The following KRTAP24-1 variants were observed in gnomAD, a reference collection of about 807,000 sequenced individuals.
KRTAP24-1 encodes keratin-associated protein 24-1.
For missense variants in KRTAP24-1, 344 were observed against 303.2 expected (o/e 1.13, Z -1.00); for synonymous variants, 133 against 116.3 (o/e 1.14, Z -0.92).
At position 30,282,448 on chromosome 21, in the gene KRTAP24-1, A is replaced by G. The variant is rs369019071; in HGVS notation, c.485T>C (p.Phe162Ser). The G allele has an allele frequency of 4.0e-5, 64 of 1,614,118 alleles. 1 individual carries two copies. Among genetic ancestry groups the G allele is most frequent in the Admixed American group, 3.2e-4 (19 of 60,022 alleles). Residue 162 changes from phenylalanine (F) to serine (S), a missense_variant, in exon 1 of 1, where the codon TTC (phenylalanine) becomes TCC (serine). Coordinates refer to ENST00000340345, the MANE Select transcript of KRTAP24-1 (RefSeq NM_001085455.3). ...CAATCTGCAGTGGTTTAGAGTTTGG[A>G]AACTCTTGGATAAGCAGTTAAGTTG... The part of the protein sequence containing the change: ...FGQLNCLSKS[F>S]QTLNHCRLST...
Position 30,281,399 on chromosome 21 carries a change from T to A in KRTAP24-1, c.*769A>T, listed in dbSNP as rs1980696149. The A allele has an allele frequency of 6.6e-6, 1 of 152,228 alleles. No homozygotes were observed. Among genetic ancestry groups the A allele is most frequent in the Admixed American group, 6.5e-5 (1 of 15,286 alleles). 9.4% of individuals were successfully genotyped at this position (152,228 alleles called of 1,614,324 possible). A position where few individuals can be genotyped will look rare whatever the true frequency, so the allele number is the denominator to read the frequency against. On this transcript the variant is annotated 3_prime_UTR_variant, in exon 1 of 1. Transcript: ENST00000340345. ...TTGGCAAGGCAAGATGATAGGAGAA[T>A]CCTAAACGCAGATTACACATAATTG...
chr21:30,282,100 A>T lies in KRTAP24-1; in HGVS notation c.*68T>A. ...ATAAAGAGATTCAGCAGAAAATTAGACGTTCTAGTACTTAGTAGAATCTTC... is the reference window on the plus strand; with the variant it reads ...ATAAAGAGATTCAGCAGAAAATTAGTCGTTCTAGTACTTAGTAGAATCTTC... On this transcript the variant is annotated 3_prime_UTR_variant, in exon 1 of 1. Transcript: ENST00000340345. The T allele has an allele frequency of 7.1e-7, 1 of 1,410,930 alleles. No individual in the cohort carries two copies. The highest frequency in any genetic ancestry group is 1.4e-5 in the South Asian group (1 of 73,896). 87.4% of individuals were successfully genotyped at this position (1,410,930 alleles called of 1,614,324 possible).
At position 30,282,472 on chromosome 21, in the gene KRTAP24-1, T is replaced by C; in HGVS notation, c.461A>G (p.Gln154Arg). 6.2e-7 allele frequency: 1 copy of C among 1,614,166 alleles called. No homozygotes were observed. The highest frequency in any genetic ancestry group is 8.5e-7 in the Non-Finnish European group (1 of 1,180,006). The change falls in exon 1 of 1, where the codon CAA becomes CGA. Residue 154 changes from glutamine (Q) to arginine (R), a missense_variant. Coordinates refer to ENST00000340345, the MANE Select transcript of KRTAP24-1 (RefSeq NM_001085455.3). ...GAAACTCTTGGATAAGCAGTTAAGT[T>C]GTCCAAAGCAGTTGGAACCGTTGCG... ...TLRNGSNCFGQLNCLSKSFQT... is the reference protein window; with the variant it reads ...TLRNGSNCFGRLNCLSKSFQT...
rs755112045 is a variant in KRTAP24-1 at position 30,282,257 on chromosome 21, T to C, written c.676A>G (p.Arg226Gly). The change falls in exon 1 of 1, where the codon AGA becomes GGA. Residue 226 changes from arginine to glycine, a missense_variant. Transcript: ENST00000340345. ...TSCRPLSYLS[R>G]SFRSLSYIPS... ...ATATAGCTCAGAGATCTGAAGCTTC[T>C]AGATAAATAGCTCAGTGGTCGGCAG... The C allele has an allele frequency of 6.2e-7, 1 of 1,613,944 alleles. No individual in the cohort carries two copies. The highest frequency in any genetic ancestry group is 1.3e-5 in the African/African-American group (1 of 74,922).
rs771156819 is a variant in KRTAP24-1, at chr21:30,282,767, A to G, written c.166T>C (p.Trp56Arg). Reference sequence around the variant, plus strand: ...GATTCTTGGCAGTAATCCAGGAGCCAGAGATTTCCTTGGTAGCTACTGGGT... The same window carrying G: ...GATTCTTGGCAGTAATCCAGGAGCCGGAGATTTCCTTGGTAGCTACTGGGT... ...CLPSSYQGNL[W>R]LLDYCQESYG... Residue 56 changes from tryptophan (W) to arginine (R), a missense_variant, in exon 1 of 1, where the codon TGG (tryptophan) becomes CGG (arginine). Trp to Arg is a moderately radical substitution (Grantham distance 101, BLOSUM62 -3). Coordinates refer to ENST00000340345, the MANE Select transcript of KRTAP24-1 (RefSeq NM_001085455.3). The G allele has an allele frequency of 1.2e-6, 2 of 1,613,960 alleles. No individual in the cohort carries two copies. The highest frequency in any genetic ancestry group is 1.7e-5 in the Admixed American group (1 of 59,994).
chr21:30,282,881 T>G lies in KRTAP24-1; in HGVS notation c.52A>C (p.Thr18Pro). The change falls in exon 1 of 1, where the codon ACA becomes CCA. Residue 18 changes from threonine (T) to proline (P), a missense_variant. Coordinates refer to ENST00000340345, the MANE Select transcript of KRTAP24-1 (RefSeq NM_001085455.3). Reference protein sequence around the residue: ...TTGYPGVCSTTSYRTHCYIPV... With the variant: ...TTGYPGVCSTPSYRTHCYIPV... ...ATATAACAGTGAGTTCTGTATGATGTGGTACTGCAGACCCCAGGATAGCCT... is the reference window on the plus strand; with the variant it reads ...ATATAACAGTGAGTTCTGTATGATGGGGTACTGCAGACCCCAGGATAGCCT... 6.2e-7 allele frequency: 1 copy of G among 1,613,802 alleles called. No homozygotes were observed. Among genetic ancestry groups the G allele is most frequent in the Non-Finnish European group, 8.5e-7 (1 of 1,179,796 alleles).
Position 30,282,779 on chromosome 21 carries a change from G to C in KRTAP24-1, c.154C>G (p.Gln52Glu). Residue 52 changes from glutamine to glutamate, a missense_variant, in exon 1 of 1, where the codon CAA (glutamine) becomes GAA (glutamate). By Grantham distance (29) the Gln-to-Glu change is conservative (BLOSUM62 2). Coordinates refer to ENST00000340345, the MANE Select transcript of KRTAP24-1 (RefSeq NM_001085455.3). ...TFGHCLPSSY[Q>E]GNLWLLDYCQ... is the part of the protein sequence containing the mutation. ...TAATCCAGGAGCCAGAGATTTCCTT[G>C]GTAGCTACTGGGTAAGCAGTGTCCA... 6.2e-7 allele frequency: 1 copy of C among 1,614,112 alleles called. No individual in the cohort carries two copies. The highest frequency in any genetic ancestry group is 8.5e-7 in the Non-Finnish European group (1 of 1,179,998).
In KRTAP24-1 at chr21:30,282,275, G is replaced by T. The variant is rs1980726587; in HGVS notation, c.658C>A (p.Pro220Thr). Residue 220 changes from proline to threonine, a missense_variant, in exon 1 of 1, where the codon CCA (proline) becomes ACA (threonine). By Grantham distance (38) the Pro-to-Thr change is conservative. Transcript: ENST00000340345. Reference protein sequence around the residue: ...YSSYRPTSCRPLSYLSRSFRS... With the variant: ...YSSYRPTSCRTLSYLSRSFRS... The stretch of plus-strand genomic sequence containing the variant: ...AAGCTTCTAGATAAATAGCTCAGTG[G>T]TCGGCAGCTCGTAGGCCTGTAGCTT... The T allele has an allele frequency of 1.2e-6, 2 of 1,613,936 alleles. No individual in the cohort carries two copies. Among genetic ancestry groups the T allele is most frequent in the Middle Eastern group, 1.6e-4 (1 of 6,084 alleles).
chr21:30,282,822 A>T lies in KRTAP24-1; in HGVS notation c.111T>A (p.Ser37Arg), dbSNP rs755447373. ...PVTSSVTLSS[S>R]DLSPTFGHCL... The stretch of plus-strand genomic sequence containing the variant: ...AGTGTCCAAAGGTAGGGCTTAAATC[A>T]CTGGAGCTAAGAGTAACAGAAGAGG... The change falls in exon 1 of 1, where the codon AGT becomes AGA. Residue 37 changes from serine (S) to arginine (R), a missense_variant. By Grantham distance (110) the Ser-to-Arg change is moderately radical. Transcript: ENST00000340345. 2.5e-6 allele frequency: 4 copies of T among 1,613,924 alleles called. No individual in the cohort carries two copies. The highest frequency in any genetic ancestry group is 1.7e-6 in the Non-Finnish European group (2 of 1,179,856).
rs1409956895 is a variant in KRTAP24-1 at position 30,282,478 on chromosome 21, A to G, written c.455T>C (p.Phe152Ser). The change falls in exon 1 of 1, where the codon TTT (phenylalanine) becomes TCT (serine). Residue 152 changes from phenylalanine to serine, a missense_variant. Coordinates refer to ENST00000340345, the MANE Select transcript of KRTAP24-1 (RefSeq NM_001085455.3). ...CQTLRNGSNCFGQLNCLSKSF... is the reference protein window; with the variant it reads ...CQTLRNGSNCSGQLNCLSKSF... The stretch of plus-strand genomic sequence containing the variant: ...CTTGGATAAGCAGTTAAGTTGTCCA[A>G]AGCAGTTGGAACCGTTGCGGAGGGT... 4 of 1,614,020 alleles carry G rather than the reference A, an allele frequency of 2.5e-6. No individual in the cohort carries two copies. In the African/African-American group the frequency reaches 5.3e-5, roughly 22 times the overall value.
chr21:30,282,162 A>T lies in KRTAP24-1; in HGVS notation c.*6T>A. On this transcript the variant is annotated 3_prime_UTR_variant, in exon 1 of 1. Transcript: ENST00000340345. Reference sequence around the variant, plus strand: ...ATTTCCAGCTGCTATAAATTCTGGAAGTTGGTCAATAGCATTTCAGAGGTC... The same window carrying T: ...ATTTCCAGCTGCTATAAATTCTGGATGTTGGTCAATAGCATTTCAGAGGTC... 1.2e-6 allele frequency: 2 copies of T among 1,600,290 alleles called. No individual in the cohort carries two copies. Among genetic ancestry groups the T allele is most frequent in the Non-Finnish European group, 1.7e-6 (2 of 1,174,880 alleles).
Position 30,282,558 on chromosome 21 carries a change from A to G in KRTAP24-1, c.375T>C (p.Asn125=), listed in dbSNP as rs374110283. The stretch of plus-strand genomic sequence containing the variant: ...GTATGTGGCAATTGCATACATACCC[A>G]TTGGTCTGGGTGCTTGGGCTGCAGC... ...SPSCSPSTQT[N]GYVCNCHIPT... The change falls in exon 1 of 1, where the codon AAT becomes AAC. Residue 125 remains asparagine, a synonymous_variant. Transcript: ENST00000340345. 2.8e-4 allele frequency: 453 copies of G among 1,603,362 alleles called. 1 individual carries two copies. In the African/African-American group the frequency reaches 5.4e-3, roughly 19 times the overall value.
In KRTAP24-1 at chr21:30,282,737, C is replaced by T. The variant is rs371296443; in HGVS notation, c.196G>A (p.Gly66Ser). Residue 66 changes from glycine (G) to serine (S), a missense_variant, in exon 1 of 1, where the codon GGT (glycine) becomes AGT (serine). Gly to Ser is a moderately conservative substitution (Grantham distance 56). Transcript: ENST00000340345. ...GGAGATTTGCAGGTTGGTGCTTCAC[C>T]GTAGGATTCTTGGCAGTAATCCAGG... ...WLLDYCQESYGEAPTCKSPSC... is the reference protein window; with the variant it reads ...WLLDYCQESYSEAPTCKSPSC... 26 of 1,613,794 alleles carry T rather than the reference C, an allele frequency of 1.6e-5. No homozygotes were observed. The highest frequency in any genetic ancestry group is 5.0e-5 in the Admixed American group (3 of 59,964).
the KRTAP24-1 span, chr21:30,282,814 CTT>C: frequency 3.6e-5 from 58 of 1,613,920 alleles, no homozygotes; most frequent in African/African-American, 5.3e-5. Flanking sequence ...AAAGGTAGGG[CTT>C]AAATCACTGG....
Position 30,282,469 on chromosome 21 carries a change from A to G in KRTAP24-1, c.464T>C (p.Leu155Pro), listed in dbSNP as rs745888714. The G allele has an allele frequency of 5.0e-6, 8 of 1,614,014 alleles. No homozygotes were observed. Among genetic ancestry groups the G allele is most frequent in the Middle Eastern group, 1.6e-4 (1 of 6,082 alleles). ...LRNGSNCFGQ[L>P]NCLSKSFQTL... ...TTGGAAACTCTTGGATAAGCAGTTA[A>G]GTTGTCCAAAGCAGTTGGAACCGTT... is the stretch of plus-strand genomic sequence containing the variant. Residue 155 changes from leucine (L) to proline (P), a missense_variant, in exon 1 of 1, where the codon CTT becomes CCT. Coordinates refer to ENST00000340345, the MANE Select transcript of KRTAP24-1 (RefSeq NM_001085455.3).
chr21:30,282,240 C>T lies in KRTAP24-1; in HGVS notation c.693G>A (p.Leu231=). ...GTGGAAAGGTACTGGGTATATAGCT[C>T]AGAGATCTGAAGCTTCTAGATAAAT... The part of the protein sequence containing the change: ...LSYLSRSFRS[L]SYIPSTFPPL... The change falls in exon 1 of 1, where the codon CTG becomes CTA. Residue 231 remains leucine, a synonymous_variant. Transcript: ENST00000340345. 1 of 1,614,012 alleles carries T rather than the reference C, an allele frequency of 6.2e-7. No individual in the cohort carries two copies. The highest frequency in any genetic ancestry group is 8.5e-7 in the Non-Finnish European group (1 of 1,179,940).
Position 30,282,070 on chromosome 21 carries a change from G to C in KRTAP24-1, c.*98C>G. 5.8e-6 allele frequency: 7 copies of C among 1,204,804 alleles called. No individual in the cohort carries two copies. The highest frequency in any genetic ancestry group is 8.1e-6 in the Non-Finnish European group (7 of 864,694). The allele number at this position is 1,204,804 out of a possible 1,614,324, so 74.6% of individuals were successfully genotyped here. A position where few individuals can be genotyped will look rare whatever the true frequency, so the allele number is the denominator to read the frequency against. On this transcript the variant is annotated 3_prime_UTR_variant, in exon 1 of 1. Transcript: ENST00000340345. ...GAACTTAATGTAACAAGATTCTTAGGCTGAATAAAGAGATTCAGCAGAAAA... is the reference window on the plus strand; with the variant it reads ...GAACTTAATGTAACAAGATTCTTAGCCTGAATAAAGAGATTCAGCAGAAAA...
chr21:30,282,285 C>T lies in KRTAP24-1; in HGVS notation c.648G>A (p.Thr216=), dbSNP rs1205399725. The change falls in exon 1 of 1, where the codon ACG becomes ACA. Residue 216 remains threonine, a synonymous_variant. Transcript: ENST00000340345. Reference sequence around the variant, plus strand: ...ATAAATAGCTCAGTGGTCGGCAGCTCGTAGGCCTGTAGCTTGAATAGTGAT... The same window carrying T: ...ATAAATAGCTCAGTGGTCGGCAGCTTGTAGGCCTGTAGCTTGAATAGTGAT... The part of the protein sequence containing the change: ...RNYHYSSYRP[T]SCRPLSYLSR... 4 of 1,613,812 alleles carry T rather than the reference C, an allele frequency of 2.5e-6. No individual in the cohort carries two copies. The highest frequency in any genetic ancestry group is 2.5e-6 in the Non-Finnish European group (3 of 1,179,976).
chr21:30,282,713 G>A lies in KRTAP24-1; in HGVS notation c.220C>T (p.Pro74Ser), dbSNP rs1260860173. The A allele has an allele frequency of 3.1e-6, 5 of 1,613,676 alleles. No individual in the cohort carries two copies. The highest frequency in any genetic ancestry group is 1.7e-5 in the Admixed American group (1 of 59,968). Residue 74 changes from proline to serine, a missense_variant, in exon 1 of 1, where the codon CCC (proline) becomes TCC (serine). Pro to Ser is a moderately conservative substitution (Grantham distance 74). Transcript: ENST00000340345. Reference sequence around the variant, plus strand: ...CTGCAGGTCTTGGGCTCACAGCTGGGAGATTTGCAGGTTGGTGCTTCACCG... The same window carrying A: ...CTGCAGGTCTTGGGCTCACAGCTGGAAGATTTGCAGGTTGGTGCTTCACCG... ...SYGEAPTCKS[P>S]SCEPKTCSTT...
Sources: gnomAD v4.1 joint callset for allele counts on GRCh38, gnomAD v4.1.1 for gene constraint, MANE v1.5 for transcripts, NCBI Gene and HGNC (gene_info 2026-07-23, HGNC 2026-07-21) for gene names.